Variants in CLOCK observed in about 807,000 individuals in gnomAD.
The protein encoded by CLOCK is clock circadian regulator, also known as circadian locomoter output cycles protein kaput.
A neutral mutation model predicts 118.4 loss-of-function variants in CLOCK; 43 were observed. The ratio of observed to expected loss-of-function variants is 0.36; its 90% CI spans 0.28 to 0.47. The LOEUF is 0.47. CLOCK is among the 20% of genes least tolerant of loss of function. CLOCK has a pLI of 1.00. For synonymous variants in CLOCK, 326 were observed against 339.2 expected (o/e 0.96, Z 0.43); for missense variants, 846 against 999.9 (o/e 0.85, Z 2.08).
At chr4:55,537,776 G>A (rs1032916941) in intron 1 of CLOCK, among the ~76,000 whole-genome samples, 17 of 152,096 alleles carry the variant, frequency 1.1e-4, no homozygotes, top group African/African-American at 4.1e-4. Context: ...GAGCAGTAGT[G>A]AGACCTTGTC....
intron 1 of CLOCK, among the ~76,000 whole-genome samples, chr4:55,519,569 C>G (rs981204429): frequency 2.0e-5 from 3 of 151,936 alleles, no homozygotes; most frequent in Admixed American, 6.6e-5. Flanking sequence ...GGCAGATCAC[C>G]TGAGTTGAGG....
intron 7 of CLOCK, among the ~76,000 whole-genome samples, chr4:55,472,239 T>G (rs1560440868): frequency 6.6e-6 from 1 of 152,142 alleles, no homozygotes; most frequent in Admixed American, 6.6e-5. Flanking sequence ...TTTGGTGATT[T>G]TCAAAAAGTT....
chr4:55,517,677 T>C (rs1260359465), intron 1 of CLOCK, among the ~76,000 whole-genome samples: 2 of 152,152 alleles, frequency 1.3e-5, no homozygotes, highest in Non-Finnish European at 2.9e-5. Flanking sequence ...TTCTCTTCTG[T>C]TTTTTAGAAG....
intron 18 of CLOCK, among the ~76,000 whole-genome samples, 185 bp downstream of exon 18, chr4:55,448,592 GCA>G (rs72445552): frequency 0.35 from 46,289 of 130,636 alleles, 7,942 homozygotes; most frequent in East Asian, 0.53. Flanking sequence ...GTGCGCGCGC[GCA>G]CGCGCGCGTG....
intron 8 of CLOCK, among the ~76,000 whole-genome samples, chr4:55,464,426 T>C (rs1357908475): frequency 6.6e-6 from 1 of 152,210 alleles, no homozygotes; most frequent in African/African-American, 2.4e-5. Flanking sequence ...GCCACGGCTG[T>C]GGAATCAAAG....
rs1357888874 is a variant in CLOCK, at chr4:55,449,395, C to T, written c.1449+1G>A. 1 of 1,611,688 alleles carries T rather than the reference C, an allele frequency of 6.2e-7. No homozygotes were observed. Among genetic ancestry groups the T allele is most frequent in the Non-Finnish European group, 8.5e-7 (1 of 1,177,986 alleles). On this transcript the variant is annotated splice_donor_variant, in intron 17 of 22. Coordinates refer to ENST00000513440, the MANE Select transcript of CLOCK (RefSeq NM_004898.4). LOFTEE classifies it high-confidence loss of function. ...AGAAGAATATCCACTAAAGAGCTTA[C>T]CTGACTACTAAATGATGACCTTCTT...
At position 55,469,253 on chromosome 4, in the gene CLOCK, G is replaced by A. The variant is rs373007545; in HGVS notation, c.438+1464C>T. On this transcript the variant is annotated intron_variant, in intron 8 of 22. Coordinates refer to ENST00000513440, the MANE Select transcript of CLOCK (RefSeq NM_004898.4). ...CGATTCTACAGGCATGTGCCACCACGCCCGGCTAATTTTGTATTTTTAGTA... is the reference window on the plus strand; with the variant it reads ...CGATTCTACAGGCATGTGCCACCACACCCGGCTAATTTTGTATTTTTAGTA... Among the ~76,000 whole-genome samples, 19 of 151,796 alleles carry A rather than the reference G, an allele frequency of 1.3e-4. No individual in the cohort carries two copies. The East Asian group carries it at 2.1e-3, about 17-fold the overall frequency.
intron 1 of CLOCK, among the ~76,000 whole-genome samples, chr4:55,541,601 C>T (rs947500438): frequency 2.6e-5 from 4 of 152,098 alleles, no homozygotes; most frequent in African/African-American, 9.7e-5. Context: ...AATATATATG[C>T]TTCAAGATTG....
chr4:55,538,867 C>T (rs1043218549), intron 1 of CLOCK, among the ~76,000 whole-genome samples: 4 of 152,170 alleles, frequency 2.6e-5, no homozygotes, highest in African/African-American at 9.7e-5. Flanking sequence ...GAAAGGAAGA[C>T]AGAAAGCAAC....
At position 55,434,998 on chromosome 4, in the gene CLOCK, A is replaced by G. The variant is rs1192293614; in HGVS notation, c.*417T>C. 4 of 246,088 alleles carry G rather than the reference A, an allele frequency of 1.6e-5. No individual in the cohort carries two copies. Among genetic ancestry groups the G allele is most frequent in the Non-Finnish European group, 3.3e-5 (4 of 122,966 alleles). 15.2% of individuals were successfully genotyped at this position (246,088 alleles called of 1,614,324 possible). On this transcript the variant is annotated 3_prime_UTR_variant, in exon 23 of 23. Coordinates refer to ENST00000513440, the MANE Select transcript of CLOCK (RefSeq NM_004898.4). ...TCTACTGGACTGTCTTCATGGCATC[A>G]CTGTAAGCAAACCCCTGACATGGCA...
chr4:55,482,707 A>G, intron 4 of CLOCK, 32 bp downstream of exon 4: 1 of 1,450,830 alleles, frequency 6.9e-7, no homozygotes, highest in Non-Finnish European at 9.5e-7. Flanking sequence ...AAATAATTAT[A>G]TATAACTTAA....
intron 9 of CLOCK, 43 bp downstream of exon 9, chr4:55,463,642 T>C: frequency 1.2e-6 from 2 of 1,606,708 alleles, no homozygotes; most frequent in Non-Finnish European, 1.7e-6. Flanking sequence ...ATAGTGCTAC[T>C]GAATACAACA....
chr4:55,448,917 T>C (rs761816278), intron 17 of CLOCK, 49 bp from the exon 18 acceptor site: 6 of 1,350,746 alleles, frequency 4.4e-6, no homozygotes, highest in Non-Finnish European at 6.4e-6. Flanking sequence ...TTCCCATACA[T>C]GAGTACTTCC....
intron 2 of CLOCK, among the ~76,000 whole-genome samples, chr4:55,504,581 T>C (rs1728676072): frequency 6.6e-6 from 1 of 152,132 alleles, no homozygotes; most frequent in Admixed American, 6.5e-5. Flanking sequence ...AGTATTTTTA[T>C]GGAGCTGAGA....
rs529712622 is a variant in CLOCK at position 55,465,499 on chromosome 4, G to T, written c.439-1694C>A. Among the ~76,000 whole-genome samples, 3 of 152,276 alleles carry T rather than the reference G, an allele frequency of 2.0e-5. No homozygotes were observed. The South Asian group carries it at 6.2e-4, about 32-fold the overall frequency. ...CTTCCAATCAGGGCACATTAACACC[G>T]TGCCTTGTGTTTAACAGTTATTAGT... On this transcript the variant is annotated intron_variant, in intron 8 of 22. Coordinates refer to ENST00000513440, the MANE Select transcript of CLOCK (RefSeq NM_004898.4).
In CLOCK at chr4:55,443,743, T is replaced by A; in HGVS notation, c.1846A>T (p.Ile616Phe). The A allele has an allele frequency of 6.2e-7, 1 of 1,614,162 alleles. No homozygotes were observed. Among genetic ancestry groups the A allele is most frequent in the Non-Finnish European group, 8.5e-7 (1 of 1,180,002 alleles). ...TGTATCATGTGCTGAGTTGTGCCAA[T>A]GTGTCCAGTATTCATTCCACTTTGA... ...QIQSGMNTGH[I>F]GTTQHMIQQQ... The change falls in exon 20 of 23, where the codon ATT becomes TTT. Residue 616 changes from isoleucine to phenylalanine, a missense_variant. Physicochemically the swap from Ile to Phe is conservative, Grantham distance 21 (BLOSUM62 0). Transcript: ENST00000513440.
chr4:55,503,356 A>T (rs1728560894), intron 2 of CLOCK, among the ~76,000 whole-genome samples: 1 of 152,256 alleles, frequency 6.6e-6, no homozygotes, highest in Admixed American at 6.5e-5. Context: ...GATGAGTCAT[A>T]AACAAGATTT....
At chr4:55,487,718 TCCA>T (rs1560451959) in intron 3 of CLOCK, among the ~76,000 whole-genome samples, 3 of 152,208 alleles carry the variant, frequency 2.0e-5, no homozygotes, top group African/African-American at 7.2e-5. Context: ...CTGTTTTAGT[TCCA>T]CCATCACTCC....
In CLOCK at chr4:55,492,357, T is replaced by TAAAA. The variant is rs369193423; in HGVS notation, c.-135-2896_-135-2893dup. Among the ~76,000 whole-genome samples the TAAAA allele has an allele frequency of 4.9e-5, 7 of 141,804 alleles. 1 individual carries two copies. The highest frequency in any genetic ancestry group is 7.7e-5 in the African/African-American group (3 of 39,018). 93.0% of individuals were successfully genotyped at this position (141,804 alleles called of 152,430 possible). On this transcript the variant is annotated intron_variant, in intron 2 of 22. Coordinates refer to ENST00000513440, the MANE Select transcript of CLOCK (RefSeq NM_004898.4). ...AACAAAATCCAACACCTATTCATGA[T>TAAAA]AAAAAAAAAAAACGCCATTCAACAA...
Sources: allele counts gnomAD v4.1 joint callset (sites outside exome capture counted in the v4.1 genomes callset), GRCh38; gene constraint gnomAD v4.1.1; transcripts MANE v1.5; gene names NCBI Gene and HGNC (gene_info 2026-07-23, HGNC 2026-07-21).